PPDPFL: variants seen among roughly 807,000 people sequenced by gnomAD.
PPDPFL encodes pancreatic progenitor cell differentiation and proliferation factor-like protein.
PPDPFL carries 12 observed loss-of-function variants against 12.6 expected under a neutral mutation model. That is an observed-to-expected ratio of 0.95 (90% confidence interval 0.61 to 1.54). The LOEUF is 1.54. PPDPFL is among the 40% of genes most tolerant of loss of function. The pLI is 0.00. For missense variants in PPDPFL, 114 were observed against 96.0 expected (o/e 1.19, Z -0.78); for synonymous variants, 24 against 32.7 (o/e 0.73, Z 0.91).
At chr8:49,057,288 G>A (rs1042467210) in intron 1 of PPDPFL, among the ~76,000 whole-genome samples, 15 of 152,200 alleles carry the variant, frequency 9.9e-5, no homozygotes, top group South Asian at 2.1e-4. Flanking sequence ...ATGAAGGGTC[G>A]TGAATTTTGG....
At chr8:49,058,079 T>C (rs978691069) in intron 1 of PPDPFL, among the ~76,000 whole-genome samples, 4 of 152,184 alleles carry the variant, frequency 2.6e-5, no homozygotes, top group African/African-American at 7.2e-5. Context: ...CTACATTTTA[T>C]TAGCCCTCAT....
At chr8:49,062,578 C>T (rs979170304) in intron 1 of PPDPFL, among the ~76,000 whole-genome samples, 22 of 152,098 alleles carry the variant, frequency 1.4e-4, no homozygotes, top group African/African-American at 5.1e-4. Flanking sequence ...GACTGAGGTG[C>T]TGTTATAGAG....
intron 1 of PPDPFL, among the ~76,000 whole-genome samples, chr8:49,059,888 T>C (rs960536445): frequency 6.6e-6 from 1 of 152,232 alleles, no homozygotes; most frequent in Non-Finnish European, 1.5e-5. Flanking sequence ...TGTTGTCTTT[T>C]TTTTCTTTCA....
At chr8:49,072,217 C>A (rs1022959185), upstream of PPDPFL, 1 of 152,468 alleles carries the variant, frequency 6.6e-6, no homozygotes, top group Non-Finnish European at 1.5e-5. Context: ...GGAGGGCAGA[C>A]GTGCAGAGAG....
intron 1 of PPDPFL, among the ~76,000 whole-genome samples, chr8:49,064,089 C>T (rs1354649375): frequency 6.6e-6 from 1 of 152,174 alleles, no homozygotes; most frequent in Non-Finnish European, 1.5e-5. Flanking sequence ...TTGCTCTAAA[C>T]TAGCCAGACA....
In PPDPFL at chr8:49,057,194, G is replaced by A. The variant is rs560257049; in HGVS notation, c.-45+2825G>A. Among the ~76,000 whole-genome samples, 11 of 152,276 alleles carry A rather than the reference G, an allele frequency of 7.2e-5. No individual in the cohort carries two copies. In the South Asian group the frequency reaches 1.9e-3, roughly 26 times the overall value. The stretch of plus-strand genomic sequence containing the variant: ...ATTGTTTTAGCGAATGCACATTACT[G>A]TGGCTCTTGAAACAGTTACAAAGTG... On this transcript the variant is annotated intron_variant, in intron 1 of 4. Transcript: ENST00000517663.
At chr8:49,070,171 G>A (rs1361702582), upstream of PPDPFL, among the ~76,000 whole-genome samples, 1 of 152,114 alleles carries the variant, frequency 6.6e-6, no homozygotes, top group African/African-American at 2.4e-5. Context: ...ATGTTCTCAC[G>A]TAAAAGTGGG....
chr8:49,072,413 A>G lies in PPDPFL; in HGVS notation c.-114A>G, dbSNP rs891257590. ...AATCCCTAAGAACTGGTTCTTTCAAAGCATGTATTTTCTGAAGAAACTTTA... is the reference window on the plus strand; with the variant it reads ...AATCCCTAAGAACTGGTTCTTTCAAGGCATGTATTTTCTGAAGAAACTTTA... On this transcript the variant is annotated 5_prime_UTR_variant, in exon 1 of 5. Coordinates refer to ENST00000522267, the MANE Select transcript of PPDPFL (RefSeq NM_001256597.2). 5.7e-5 allele frequency: 9 copies of G among 158,100 alleles called. No individual in the cohort carries two copies. Among genetic ancestry groups the G allele is most frequent in the African/African-American group, 2.2e-4 (9 of 41,520 alleles). 9.8% of individuals were successfully genotyped at this position (158,100 alleles called of 1,614,324 possible).
At chr8:49,074,189 T>C in intron 3 of PPDPFL, 45 bp from the exon 4 acceptor site, 1 of 1,604,094 alleles carries the variant, frequency 6.2e-7, no homozygotes, top group Non-Finnish European at 8.5e-7. Context: ...TTATTTTCAA[T>C]CTCAAATTTG....
chr8:49,069,502 G>T (rs1484967718), upstream of PPDPFL, among the ~76,000 whole-genome samples: 2 of 152,166 alleles, frequency 1.3e-5, no homozygotes, highest in African/African-American at 4.8e-5. Context: ...TGCTGGCAAG[G>T]TTGCAGAGAA....
intron 1 of PPDPFL, among the ~76,000 whole-genome samples, chr8:49,055,568 A>T (rs1316553118): frequency 6.6e-6 from 1 of 152,142 alleles, no homozygotes; most frequent in Non-Finnish European, 1.5e-5. Context: ...TACATTGGTA[A>T]TTTCCAGGAC....
chr8:49,065,838 C>G (rs950611698), intron 1 of PPDPFL, among the ~76,000 whole-genome samples: 2 of 152,194 alleles, frequency 1.3e-5, no homozygotes, highest in Non-Finnish European at 2.9e-5. Flanking sequence ...TTGGGGGAAC[C>G]TAACACTCTG....
chr8:49,058,293 A>T (rs888573965), intron 1 of PPDPFL, among the ~76,000 whole-genome samples: 1 of 152,210 alleles, frequency 6.6e-6, no homozygotes, highest in Admixed American at 6.5e-5. Flanking sequence ...AAATGGTACA[A>T]TATGCACCAT....
At chr8:49,056,974 T>C (rs1808120758) in intron 1 of PPDPFL, among the ~76,000 whole-genome samples, 2 of 152,202 alleles carry the variant, frequency 1.3e-5, no homozygotes, top group African/African-American at 4.8e-5. Flanking sequence ...GATACCCCGT[T>C]TCTAGATTAG....
chr8:49,073,651 TC>T (rs1353260596), intron 2 of PPDPFL, among the ~76,000 whole-genome samples: 2 of 152,218 alleles, frequency 1.3e-5, no homozygotes, highest in African/African-American at 2.4e-5. Flanking sequence ...GTTTGTTCTT[TC>T]CAAATAATTC....
At chr8:49,073,940 C>A in intron 2 of PPDPFL, 119 bp from the exon 3 acceptor site, 1 of 677,496 alleles carries the variant, frequency 1.5e-6, no homozygotes, top group Admixed American at 2.9e-5. Flanking sequence ...TTCATGAATT[C>A]ACAAGCCAGG....
rs192781367 is a variant in PPDPFL at position 49,074,537 on chromosome 8, T to G, written c.233+204T>G. 7.2e-5 allele frequency: 110 copies of G among 1,536,992 alleles called. 1 individual carries two copies. In the South Asian group the frequency reaches 9.9e-4, roughly 14 times the overall value. On this transcript the variant is annotated intron_variant, in intron 4 of 4. Transcript: ENST00000522267. ...CGCTGTCAGGAAGATCATAGCACCC[T>G]TTCCAGTTCAATCACTCAAGAGTGG...
rs1042004295 is a variant in PPDPFL, at chr8:49,074,959, C to G, written c.234-193C>G. 1.2e-4 allele frequency: 164 copies of G among 1,367,972 alleles called. No individual in the cohort carries two copies. The South Asian group carries it at 2.5e-3, about 21-fold the overall frequency. 84.7% of individuals were successfully genotyped at this position (1,367,972 alleles called of 1,614,324 possible). On this transcript the variant is annotated intron_variant, in intron 4 of 4. Coordinates refer to ENST00000522267, the MANE Select transcript of PPDPFL (RefSeq NM_001256597.2). ...AAATATAGTGATTCTGATGAATTTCCTATCTAAGACAAATTTAGAATCATT... is the reference window on the plus strand; with the variant it reads ...AAATATAGTGATTCTGATGAATTTCGTATCTAAGACAAATTTAGAATCATT...
rs141742196 is a variant in PPDPFL at position 49,066,320 on chromosome 8, A to C, written c.-44-6467A>C. Among the ~76,000 whole-genome samples, 16 of 152,292 alleles carry C rather than the reference A, an allele frequency of 1.1e-4. No individual in the cohort carries two copies. In the South Asian group the frequency reaches 1.7e-3, roughly 16 times the overall value. The stretch of plus-strand genomic sequence containing the variant: ...TCGCCTGGCCTAGGGTTAGCCACTA[A>C]GTTCAGCCCGCTGGGGGCTCTGTGT... On this transcript the variant is annotated intron_variant, in intron 1 of 4. Coordinates refer to the PPDPFL transcript ENST00000517663.
Sources: gnomAD v4.1 joint callset for allele counts (sites outside exome capture counted in the v4.1 genomes callset) on GRCh38, gnomAD v4.1.1 for gene constraint, MANE v1.5 for transcripts, NCBI Gene and HGNC (gene_info 2026-07-23, HGNC 2026-07-21) for gene names.